Variants in CADM2 observed in about 807,000 individuals in gnomAD.
CADM2 encodes the protein immunoglobulin superfamily member 4D.
Under a neutral mutation model 49.8 loss-of-function variants are expected in CADM2, and 12 were observed. The ratio of observed to expected loss-of-function variants is 0.24; its 90% CI spans 0.15 to 0.39. The LOEUF is 0.39. CADM2 is among the 10% of genes least tolerant of loss of function. The pLI is 1.00. For synonymous variants in CADM2, 214 were observed against 175.4 expected, an observed-to-expected ratio of 1.22 and a Z score of -1.74; for missense variants, 378 against 492.3, an observed-to-expected ratio of 0.77 and a Z score of 2.20.
intron 1 of CADM2, among the ~76,000 whole-genome samples, chr3:85,383,154 T>G (rs2033999513): frequency 6.6e-6 from 1 of 152,172 alleles, no homozygotes; most frequent in African/African-American, 2.4e-5. Flanking sequence ...TGCATCTCAC[T>G]TCCATCTTCT....
chr3:85,505,870 T>A (rs560977424), intron 1 of CADM2, among the ~76,000 whole-genome samples: 3 of 152,326 alleles, frequency 2.0e-5, no homozygotes, highest in African/African-American at 7.2e-5. Context: ...TTGGTATTTT[T>A]GCTTTCGGTT....
intron 1 of CADM2, among the ~76,000 whole-genome samples, chr3:85,691,471 A>G (rs2066384918): frequency 6.6e-6 from 1 of 152,172 alleles, no homozygotes; most frequent in East Asian, 1.9e-4. Context: ...CAGAACAACA[A>G]CTACCCTATA....
At chr3:85,062,145 G>A (rs1430795045) in intron 1 of CADM2, among the ~76,000 whole-genome samples, 3 of 150,784 alleles carry the variant, frequency 2.0e-5, no homozygotes, top group Non-Finnish European at 4.4e-5. Context: ...TCTTGCTTCC[G>A]GTACACAACT....
chr3:85,826,837 C>G (rs942144693), intron 3 of CADM2, among the ~76,000 whole-genome samples: 7 of 151,826 alleles, frequency 4.6e-5, no homozygotes, highest in Non-Finnish European at 1.0e-4. Flanking sequence ...TCTGTTTAAC[C>G]TATTTGCAGA....
chr3:85,052,617 A>G (rs1451634746), intron 1 of CADM2, among the ~76,000 whole-genome samples: 2 of 152,134 alleles, frequency 1.3e-5, no homozygotes, highest in Non-Finnish European at 2.9e-5. Flanking sequence ...ATAAAAAATC[A>G]ACTCTAAATT....
At chr3:85,793,935 A>G (rs933931236) in intron 2 of CADM2, among the ~76,000 whole-genome samples, 6 of 152,166 alleles carry the variant, frequency 3.9e-5, no homozygotes, top group Non-Finnish European at 8.8e-5. Context: ...GCATCTACCT[A>G]AAAAGGCTTA....
intron 1 of CADM2, among the ~76,000 whole-genome samples, chr3:85,502,517 T>C (rs1220777627): frequency 6.6e-6 from 1 of 152,146 alleles, no homozygotes; most frequent in African/African-American, 2.4e-5. Context: ...AAAAGAATCT[T>C]TGATAGCCAA....
chr3:85,504,772 G>A (rs188973652), intron 1 of CADM2, among the ~76,000 whole-genome samples: 8 of 152,174 alleles, frequency 5.3e-5, no homozygotes, highest in South Asian at 2.1e-4. Flanking sequence ...GCCCACGGAG[G>A]GGGTGGGAGG....
intron 1 of CADM2, among the ~76,000 whole-genome samples, chr3:85,679,373 G>A (rs1451047437): frequency 6.6e-6 from 1 of 152,118 alleles, no homozygotes; most frequent in African/African-American, 2.4e-5. Context: ...GAGTGAACTG[G>A]GGTGTGTGGA....
At chr3:85,516,865 TA>T (rs2060915214) in intron 1 of CADM2, among the ~76,000 whole-genome samples, 1 of 152,050 alleles carries the variant, frequency 6.6e-6, no homozygotes, top group Non-Finnish European at 1.5e-5. Flanking sequence ...AAAGGTACAT[TA>T]ATAAATTAAA....
chr3:85,879,569 G>A (rs1712426272), intron 3 of CADM2, among the ~76,000 whole-genome samples: 1 of 151,976 alleles, frequency 6.6e-6, no homozygotes, highest in African/African-American at 2.4e-5. Flanking sequence ...ATGACATTTG[G>A]GATCACCCTC....
intron 1 of CADM2, among the ~76,000 whole-genome samples, chr3:85,491,116 A>C (rs2039651576): frequency 6.6e-6 from 1 of 152,172 alleles, no homozygotes; most frequent in Non-Finnish European, 1.5e-5. Flanking sequence ...AAATAAACTG[A>C]AGCTTCTACA....
intron 1 of CADM2, among the ~76,000 whole-genome samples, chr3:85,464,677 AT>A (rs1320290965): frequency 2.0e-5 from 3 of 152,230 alleles, no homozygotes; most frequent in Non-Finnish European, 4.4e-5. Context: ...TTCATCATAT[AT>A]TACATCACAT....
chr3:85,313,621 T>A (rs966516590), intron 1 of CADM2, among the ~76,000 whole-genome samples: 1 of 152,190 alleles, frequency 6.6e-6, no homozygotes, highest in Admixed American at 6.5e-5. Flanking sequence ...CAGTAGCCAC[T>A]AACCAGGGTG....
chr3:84,976,723 A>G (rs2031844473), intron 1 of CADM2, among the ~76,000 whole-genome samples: 1 of 152,014 alleles, frequency 6.6e-6, no homozygotes, highest in African/African-American at 2.4e-5. Flanking sequence ...TCCAAATAAG[A>G]AGAGGCTTTC....
chr3:85,011,819 G>C (rs923778700), intron 1 of CADM2, among the ~76,000 whole-genome samples: 1 of 151,968 alleles, frequency 6.6e-6, no homozygotes, highest in South Asian at 2.1e-4. Context: ...GATCCCAGGA[G>C]TGGCTGCATG....
At chr3:85,912,742 G>GA (rs1717784364) in intron 6 of CADM2, among the ~76,000 whole-genome samples, 199 bp downstream of exon 6, 1 of 152,106 alleles carries the variant, frequency 6.6e-6, no homozygotes, top group Non-Finnish European at 1.5e-5. Context: ...TAACAATGAG[G>GA]AAAAATGAAG....
chr3:85,141,804 A>G (rs1426902930), intron 1 of CADM2, among the ~76,000 whole-genome samples: 1 of 152,174 alleles, frequency 6.6e-6, no homozygotes, highest in Admixed American at 6.5e-5. Flanking sequence ...CAGTATAACT[A>G]CTTCTAGTCT....
At chr3:85,943,945 G>A (rs1220029044) in intron 7 of CADM2, among the ~76,000 whole-genome samples, 1 of 151,876 alleles carries the variant, frequency 6.6e-6, no homozygotes, top group East Asian at 1.9e-4. Flanking sequence ...ATGCAAATGG[G>A]CTAAATGCTC....
Sources: gnomAD v4.1 joint callset for allele counts (sites outside exome capture counted in the v4.1 genomes callset) on GRCh38, gnomAD v4.1.1 for gene constraint, MANE v1.5 for transcripts, NCBI Gene and HGNC (gene_info 2026-07-23, HGNC 2026-07-21) for gene names.